ABCA5: variants seen among roughly 807,000 people sequenced by gnomAD.
The protein encoded by ABCA5 is ATP binding cassette subfamily A member 5.
In ABCA5, 163 loss-of-function variants were observed where a neutral mutation model predicts 206.0. The ratio of observed to expected loss-of-function variants is 0.79; its 90% CI spans 0.70 to 0.90. ABCA5 has a LOEUF of 0.90. ABCA5 is among the 40% of genes least tolerant of loss of function. The pLI is 0.00. For missense variants in ABCA5, 1,859 were observed against 1,912.9 expected, an observed-to-expected ratio of 0.97 and a Z score of 0.53; for synonymous variants, 609 against 613.8, an observed-to-expected ratio of 0.99 and a Z score of 0.11.
Position 69,297,307 on chromosome 17 carries a change from C to A in ABCA5, c.1320G>T (p.Trp440Cys). 6.2e-7 allele frequency: 1 copy of A among 1,612,198 alleles called. No individual in the cohort carries two copies. The highest frequency in any genetic ancestry group is 8.5e-7 in the Non-Finnish European group (1 of 1,179,358). Residue 440 changes from tryptophan to cysteine, a missense_variant, in exon 10 of 39, where the codon TGG becomes TGT. Transcript: ENST00000392676. ...CCTCATAATTTCTTTTGCTCTTTGA[C>A]CAATATGAAGGCTTCAGAAAATATA... ...SSLYFLKPSY[W>C]SKSKRNYEEL...
At chr17:69,296,114 G>C (rs186288906) in intron 10 of ABCA5, among the ~76,000 whole-genome samples, 1 of 152,062 alleles carries the variant, frequency 6.6e-6, no homozygotes, top group Admixed American at 6.6e-5. Flanking sequence ...AGTGAAGGGG[G>C]ATATAAACCA....
intron 1 of ABCA5, among the ~76,000 whole-genome samples, chr17:69,323,939 A>T (rs1274018086): frequency 6.6e-6 from 1 of 152,230 alleles, no homozygotes; most frequent in Non-Finnish European, 1.5e-5. Flanking sequence ...TTCAAATTTC[A>T]GTGTCTATAA....
chr17:69,262,544 C>A (rs529451361), intron 24 of ABCA5, among the ~76,000 whole-genome samples: 2 of 152,260 alleles, frequency 1.3e-5, no homozygotes, highest in South Asian at 4.1e-4. Flanking sequence ...TGCACCTGTG[C>A]TGCTGCAACA....
intron 17 of ABCA5, among the ~76,000 whole-genome samples, chr17:69,284,862 T>G (rs1034293757): frequency 2.0e-5 from 3 of 152,172 alleles, no homozygotes; most frequent in African/African-American, 2.4e-5. Flanking sequence ...TGAATTCCCT[T>G]AAGAGGTCTT....
rs141602707 is a variant in ABCA5, at chr17:69,260,375, T to C, written c.3602A>G (p.Tyr1201Cys). ...TACTGAAAGCCTATCCCATGGATTA[T>C]AGGTGTCCACATTTTTTCGTACATT... ...WKNVRKNVDT[Y>C]NPWDRLSVAV... The change falls in exon 27 of 39, where the codon TAT becomes TGT. Residue 1201 changes from tyrosine to cysteine, a missense_variant. Physicochemically the swap from Tyr to Cys is radical, Grantham distance 194. Transcript: ENST00000392676. 2.5e-6 allele frequency: 4 copies of C among 1,609,048 alleles called. No homozygotes were observed. The highest frequency in any genetic ancestry group is 2.7e-5 in the African/African-American group (2 of 74,700).
At chr17:69,281,027 TATA>T (rs950482030) in intron 18 of ABCA5, among the ~76,000 whole-genome samples, 8 of 150,056 alleles carry the variant, frequency 5.3e-5, no homozygotes, top group African/African-American at 1.5e-4. Context: ...AAACTTAAAG[TATA>T]ATAATAAAAA....
chr17:69,266,421 A>G lies in ABCA5; in HGVS notation c.3145-1516T>C, dbSNP rs139579327. 6.6e-3 allele frequency among the ~76,000 whole-genome samples: 1,009 copies of G among 152,170 alleles called. 15 individuals are homozygous for G. The highest frequency in any genetic ancestry group is 0.023 in the African/African-American group (940 of 41,558). ...ACACAGGATCTCTCTGTCATTTCTA[A>G]CAAACAAACATGAATATACAACTAT... On this transcript the variant is annotated intron_variant, in intron 23 of 38. Transcript: ENST00000392676.
intron 4 of ABCA5, among the ~76,000 whole-genome samples, chr17:69,308,899 G>A (rs1330876349): frequency 1.3e-5 from 2 of 151,856 alleles, no homozygotes; most frequent in Admixed American, 6.6e-5. Context: ...AACTAATCAA[G>A]TTCACTAGTA....
rs778216537 is a variant in ABCA5 at position 69,251,881 on chromosome 17, T to A, written c.4416-15A>T. Reference sequence around the variant, plus strand: ...GAATTGCTCGCCTATAAAACATAAATAAAACAAAAAGAGAGGAACACATCT... The same window carrying A: ...GAATTGCTCGCCTATAAAACATAAAAAAAACAAAAAGAGAGGAACACATCT... On this transcript the variant is annotated splice_polypyrimidine_tract_variant and intron_variant, in intron 34 of 38. Coordinates refer to ENST00000392676, the MANE Select transcript of ABCA5 (RefSeq NM_172232.4). The A allele has an allele frequency of 3.1e-6, 5 of 1,604,698 alleles. No homozygotes were observed. The highest frequency in any genetic ancestry group is 1.8e-5 in the Admixed American group (1 of 57,004).
At chr17:69,321,365 A>G (rs1567787346) in intron 1 of ABCA5, among the ~76,000 whole-genome samples, 1 of 152,196 alleles carries the variant, frequency 6.6e-6, no homozygotes, top group Non-Finnish European at 1.5e-5. Context: ...CAAATGAGGC[A>G]TGACCAAAAA....
At chr17:69,250,834 C>T (rs1333826967) in intron 35 of ABCA5, 2 of 303,078 alleles carry the variant, frequency 6.6e-6, no homozygotes, top group South Asian at 6.5e-5. Context: ...ACAACTGAGA[C>T]ACCGACATTG....
Position 69,291,227 on chromosome 17 carries a change from G to A in ABCA5, c.1595C>T (p.Pro532Leu), listed in dbSNP as rs1380818803. The A allele has an allele frequency of 6.3e-7, 1 of 1,591,498 alleles. No homozygotes were observed. Among genetic ancestry groups the A allele is most frequent in the Non-Finnish European group, 8.6e-7 (1 of 1,167,120 alleles). ...TLMNILCGLCPPSDGFASIYG... is the reference protein window; with the variant it reads ...TLMNILCGLCLPSDGFASIYG... The stretch of plus-strand genomic sequence containing the variant: ...GACAGAAAACTCACCATCAGAAGGT[G>A]GGCAGAGTCCACAAAGAATATTCAT... The change falls in exon 12 of 39, where the codon CCA (proline) becomes CTA (leucine). Residue 532 changes from proline to leucine, a missense_variant. Transcript: ENST00000392676.
chr17:69,269,672 T>G (rs1008819612), intron 22 of ABCA5, among the ~76,000 whole-genome samples: 1 of 152,172 alleles, frequency 6.6e-6, no homozygotes, highest in African/African-American at 2.4e-5. Flanking sequence ...AACAGATAAG[T>G]AGAATGCAGT....
intron 24 of ABCA5, among the ~76,000 whole-genome samples, chr17:69,263,599 G>A (rs2075173472): frequency 6.7e-6 from 1 of 150,002 alleles, no homozygotes; most frequent in Non-Finnish European, 1.5e-5. Context: ...GTCTGTTTTT[G>A]TACCAATACC....
chr17:69,299,165 T>C (rs910360731), intron 9 of ABCA5, among the ~76,000 whole-genome samples: 2 of 152,024 alleles, frequency 1.3e-5, no homozygotes, highest in South Asian at 2.1e-4. Context: ...CAAAAAATAA[T>C]AGATGTTGGC....
chr17:69,271,356 G>A lies in ABCA5; in HGVS notation c.2765-67C>T, dbSNP rs953613069. On this transcript the variant is annotated intron_variant, in intron 20 of 38. Coordinates refer to ENST00000392676, the MANE Select transcript of ABCA5 (RefSeq NM_172232.4). ...ACGAGGCTTTTAGTAACACTGGGAA[G>A]ATAATTCTATTTTTAGAGAAATATT... 2.8e-6 allele frequency: 4 copies of A among 1,434,676 alleles called. No homozygotes were observed. In the Admixed American group the frequency reaches 6.8e-5, roughly 25 times the overall value. The allele number at this position is 1,434,676 out of a possible 1,614,324, so 88.9% of individuals were successfully genotyped here.
intron 14 of ABCA5, among the ~76,000 whole-genome samples, chr17:69,288,247 G>T (rs1464734973): frequency 6.6e-6 from 1 of 152,130 alleles, no homozygotes; most frequent in East Asian, 1.9e-4. Flanking sequence ...AAGGGGGAAT[G>T]TGGCAGGATG....
chr17:69,308,529 C>T (rs546275307), intron 4 of ABCA5, among the ~76,000 whole-genome samples, 161 bp from the exon 5 acceptor site: 1 of 152,184 alleles, frequency 6.6e-6, no homozygotes, highest in African/African-American at 2.4e-5. Flanking sequence ...ACAATACTTA[C>T]AAGATTTCTG....
In ABCA5 at chr17:69,261,738, A is replaced by T. The variant is rs1166585950; in HGVS notation, c.3326T>A (p.Leu1109His). 3.5e-6 allele frequency: 5 copies of T among 1,439,366 alleles called. No homozygotes were observed. The highest frequency in any genetic ancestry group is 9.3e-7 in the Non-Finnish European group (1 of 1,077,536). 89.2% of individuals were successfully genotyped at this position (1,439,366 alleles called of 1,614,324 possible). A position where few individuals can be genotyped will look rare whatever the true frequency, so the allele number is the denominator to read the frequency against. Residue 1109 changes from leucine (L) to histidine (H), a missense_variant, in exon 25 of 39, where the codon CTT (leucine) becomes CAT (histidine). Physicochemically the swap from Leu to His is moderately conservative, Grantham distance 99. Coordinates refer to ENST00000392676, the MANE Select transcript of ABCA5 (RefSeq NM_172232.4). ...AATAACTGATGGAACATAACCAATA[A>T]GGCAAAAAACCTGTAAATCAGAAAT... ...TVKFLAVVFC[L>H]IGYVPSVILF...
Sources: allele counts gnomAD v4.1 joint callset (sites outside exome capture counted in the v4.1 genomes callset), GRCh38; gene constraint gnomAD v4.1.1; transcripts MANE v1.5; gene names NCBI Gene and HGNC (gene_info 2026-07-23, HGNC 2026-07-21).